Variants in GNG2 observed in about 807,000 individuals in gnomAD.
The protein encoded by GNG2 is G protein subunit gamma 2.
GNG2 carries 5 observed loss-of-function variants against 5.5 expected under a neutral mutation model. That is an observed-to-expected ratio of 0.91 (90% confidence interval 0.48 to 1.92). The LOEUF (loss-of-function observed/expected upper bound fraction) is 1.92. Among genes scored for constraint, GNG2 ranks in the 30% most tolerant of loss-of-function variants. The pLI is 0.01. For synonymous variants in GNG2, 28 were observed against 32.0 expected (o/e 0.88, Z 0.42); for missense variants, 55 against 88.4 (o/e 0.62, Z 1.52).
intron 2 of GNG2, among the ~76,000 whole-genome samples, chr14:51,906,809 G>GCAGTGGC (rs1885956057): frequency 7.9e-6 from 1 of 126,244 alleles, no homozygotes; most frequent in Non-Finnish European, 1.6e-5. Context: ...AGGCTGGAGT[G>GCAGTGGC]CAGTGGCGCA....
intron 2 of GNG2, among the ~76,000 whole-genome samples, chr14:51,897,886 T>TAACA (rs1885304456): frequency 6.6e-6 from 1 of 152,210 alleles, no homozygotes; most frequent in Admixed American, 6.5e-5. Flanking sequence ...TGCATAGTAC[T>TAACA]AACATTCTTT....
intron 1 of GNG2, among the ~76,000 whole-genome samples, chr14:51,872,527 C>T (rs941657862): frequency 1.3e-5 from 2 of 152,132 alleles, no homozygotes; most frequent in African/African-American, 4.8e-5. Context: ...TGTTAGGACT[C>T]TGAACTGCAG....
intron 2 of GNG2, chr14:51,916,510 GA>G (rs11322270): frequency 0.52 from 208,960 of 399,918 alleles, 48,019 homozygotes; most frequent in African/African-American, 0.74. Context: ...AAATAATCCT[GA>G]AAAAAAAAAA....
At chr14:51,923,844 AG>A (rs1275266745) in intron 2 of GNG2, among the ~76,000 whole-genome samples, 1 of 152,202 alleles carries the variant, frequency 6.6e-6, no homozygotes, top group East Asian at 1.9e-4. Flanking sequence ...TCCCTGGGGT[AG>A]GGGTGGACTC....
At chr14:51,872,384 T>C (rs895538750) in intron 1 of GNG2, among the ~76,000 whole-genome samples, 11 of 152,216 alleles carry the variant, frequency 7.2e-5, no homozygotes, top group African/African-American at 2.7e-4. Flanking sequence ...TAGATTTATA[T>C]AAATTCCACT....
At chr14:51,833,635 T>G (rs1334892417) in intron 2 of GNG2, among the ~76,000 whole-genome samples, 2 of 152,180 alleles carry the variant, frequency 1.3e-5, no homozygotes, top group Admixed American at 1.3e-4. Context: ...GCTCAAGAAG[T>G]CTTAAAGGGA....
At chr14:51,904,326 C>T (rs1217307422) in intron 2 of GNG2, among the ~76,000 whole-genome samples, 1 of 152,120 alleles carries the variant, frequency 6.6e-6, no homozygotes, top group Non-Finnish European at 1.5e-5. Context: ...GTACCTGTAC[C>T]GTAGCTGCAA....
chr14:51,889,091 A>G (rs1256450650), intron 2 of GNG2, among the ~76,000 whole-genome samples: 27 of 150,272 alleles, frequency 1.8e-4, no homozygotes, highest in Admixed American at 1.8e-3. Flanking sequence ...AGTGACTGCT[A>G]ATGGGTATGG....
intron 3 of GNG2, among the ~76,000 whole-genome samples, chr14:51,954,929 A>G (rs1268838303): frequency 1.3e-5 from 2 of 152,182 alleles, no homozygotes; most frequent in Non-Finnish European, 2.9e-5. Context: ...ATCAACTGAC[A>G]TTCAAATTGA....
chr14:51,914,366 C>T, intron 2 of GNG2: 1 of 683,438 alleles, frequency 1.5e-6, no homozygotes, highest in Non-Finnish European at 2.7e-6. Context: ...ACCATAGCTC[C>T]TGCTCTAATC....
intron 2 of GNG2, among the ~76,000 whole-genome samples, chr14:51,945,660 T>G (rs1314020815): frequency 6.6e-6 from 1 of 152,212 alleles, no homozygotes; most frequent in African/African-American, 2.4e-5. Flanking sequence ...ACTATATGCT[T>G]AAAAATGGTT....
intron 2 of GNG2, among the ~76,000 whole-genome samples, chr14:51,887,226 A>G (rs1884521589): frequency 6.6e-6 from 1 of 151,768 alleles, no homozygotes; most frequent in African/African-American, 2.4e-5. Flanking sequence ...GTTTGCTACA[A>G]AAACTAGCTG....
At chr14:51,847,875 C>CTTTTT (rs1555348001) in intron 2 of GNG2, among the ~76,000 whole-genome samples, 2 of 66,148 alleles carry the variant, frequency 3.0e-5, no homozygotes, top group Non-Finnish European at 6.3e-5. Context: ...AATACAGGTC[C>CTTTTT]TTTTTCTTTT....
chr14:51,922,761 G>A (rs968825697), intron 2 of GNG2, among the ~76,000 whole-genome samples: 7 of 152,072 alleles, frequency 4.6e-5, no homozygotes, highest in African/African-American at 9.7e-5. Flanking sequence ...AAGACATAAC[G>A]GACTCGTGCT....
chr14:51,851,915 C>T (rs1881925738), intron 2 of GNG2, among the ~76,000 whole-genome samples: 1 of 152,152 alleles, frequency 6.6e-6, no homozygotes, highest in Non-Finnish European at 1.5e-5. Context: ...TGTCATTTTT[C>T]CACTTTTACA....
intron 2 of GNG2, chr14:51,914,155 A>T (rs1886465384): frequency 2.9e-6 from 2 of 694,780 alleles, no homozygotes; most frequent in African/African-American, 3.5e-5. Flanking sequence ...GAATGGAGTC[A>T]TTCCATATTG....
chr14:51,829,063 G>A (rs569193649), intron 2 of GNG2, among the ~76,000 whole-genome samples: 2 of 152,306 alleles, frequency 1.3e-5, no homozygotes, highest in East Asian at 3.9e-4. Context: ...TAACAAGTGA[G>A]CAAAGGCACT....
intron 2 of GNG2, among the ~76,000 whole-genome samples, chr14:51,854,933 G>T (rs1882085135): frequency 6.6e-6 from 1 of 151,988 alleles, no homozygotes; most frequent in African/African-American, 2.4e-5. Context: ...AGGCTTCATG[G>T]TTAGCCCTCC....
intron 1 of GNG2, among the ~76,000 whole-genome samples, chr14:51,870,392 C>T (rs546778098): frequency 6.6e-6 from 1 of 152,264 alleles, no homozygotes; most frequent in South Asian, 2.1e-4. Context: ...GGAAATACAT[C>T]AGGTCCTATA....
Sources: gnomAD v4.1 joint callset for allele counts (sites outside exome capture counted in the v4.1 genomes callset) on GRCh38, gnomAD v4.1.1 for gene constraint, MANE v1.5 for transcripts, NCBI Gene and HGNC (gene_info 2026-07-23, HGNC 2026-07-21) for gene names.